RASAL2: variants seen among roughly 807,000 people sequenced by gnomAD.
RASAL2 encodes the protein RAS protein activator like 2.
In RASAL2, 58 loss-of-function variants were observed where a neutral mutation model predicts 128.9. The ratio of observed to expected loss-of-function variants is 0.45; its 90% CI spans 0.36 to 0.56. The LOEUF is 0.56. Among genes scored for constraint, RASAL2 ranks in the 20% least tolerant of loss-of-function variants. The pLI is 0.00. For missense variants in RASAL2, 1,360 were observed against 1,601.6 expected (o/e 0.85, Z 2.57); for synonymous variants, 561 against 580.8 (o/e 0.97, Z 0.49).
chr1:178,199,031 T>TCCAG (rs1366212570), intron 1 of RASAL2, among the ~76,000 whole-genome samples: 1 of 152,202 alleles, frequency 6.6e-6, no homozygotes, highest in Non-Finnish European at 1.5e-5. Context: ...GGACACCTCC[T>TCCAG]CCAGCCAGGC....
chr1:178,297,042 G>GA (rs967498397), intron 2 of RASAL2, among the ~76,000 whole-genome samples: 9 of 146,726 alleles, frequency 6.1e-5, no homozygotes, highest in East Asian at 2.0e-4. Flanking sequence ...GGGCAGAGAA[G>GA]AAAAAAAAAC....
rs138569729 is a variant in RASAL2, at chr1:178,445,895, C to A, written c.1627+233C>A. 1.4e-4 allele frequency among the ~76,000 whole-genome samples: 21 copies of A among 152,258 alleles called. No individual in the cohort carries two copies. The East Asian group carries it at 3.7e-3, about 27-fold the overall frequency. On this transcript the variant is annotated intron_variant, in intron 9 of 17. Transcript: ENST00000367649. Reference sequence around the variant, plus strand: ...ATACACTGCTACCCCAGGTCCCCAGCTTCATGATTCCAGGATGCACAGTAA... The same window carrying A: ...ATACACTGCTACCCCAGGTCCCCAGATTCATGATTCCAGGATGCACAGTAA...
chr1:178,285,561 A>T (rs927305409), intron 2 of RASAL2, among the ~76,000 whole-genome samples: 9 of 152,170 alleles, frequency 5.9e-5, no homozygotes, highest in Admixed American at 1.3e-4. Flanking sequence ...AATATTCTTA[A>T]ATTTAATTTT....
intron 1 of RASAL2, among the ~76,000 whole-genome samples, chr1:178,266,584 A>C (rs1269068995): frequency 6.6e-6 from 1 of 152,196 alleles, no homozygotes. Context: ...TTTAAGTAGC[A>C]GAGAGTTTAA....
chr1:178,392,373 T>C (rs1023124185), intron 4 of RASAL2, among the ~76,000 whole-genome samples: 3 of 152,160 alleles, frequency 2.0e-5, no homozygotes, highest in East Asian at 1.9e-4. Flanking sequence ...GGATGACTGA[T>C]GCTTCCAGGG....
intron 3 of RASAL2, chr1:178,372,400 C>T (rs1435584974): frequency 1.1e-6 from 1 of 930,656 alleles, no homozygotes; most frequent in Middle Eastern, 5.4e-4. Flanking sequence ...ACCCCAAATT[C>T]TCTAAATCCA....
intron 3 of RASAL2, among the ~76,000 whole-genome samples, chr1:178,334,638 C>A (rs1259717998): frequency 6.6e-6 from 1 of 152,158 alleles, no homozygotes; most frequent in Non-Finnish European, 1.5e-5. Flanking sequence ...CCACTGCACC[C>A]GGCCACAACT....
At position 178,184,265 on chromosome 1, in the gene RASAL2, C is replaced by T. The variant is rs377641031; in HGVS notation, c.202+89571C>T. ...AGTTTATATCTTGTCTTTTGACTCT[C>T]TTACCAGTGTGTTTTGCAAAGAATT... On this transcript the variant is annotated intron_variant, in intron 1 of 17. Coordinates refer to ENST00000367649, the MANE Select transcript of RASAL2 (RefSeq NM_170692.4). Among the ~76,000 whole-genome samples the T allele has an allele frequency of 2.6e-5, 4 of 152,196 alleles. No homozygotes were observed. The East Asian group carries it at 7.7e-4, about 29-fold the overall frequency.
chr1:178,291,184 CAT>C (rs906254096), intron 2 of RASAL2, among the ~76,000 whole-genome samples: 1 of 152,064 alleles, frequency 6.6e-6, no homozygotes, highest in Non-Finnish European at 1.5e-5. Context: ...AGTCAAGAAA[CAT>C]ATGTCTCTTT....
chr1:178,223,464 T>C (rs1244095916), intron 1 of RASAL2, among the ~76,000 whole-genome samples: 1 of 152,046 alleles, frequency 6.6e-6, no homozygotes, highest in East Asian at 1.9e-4. Context: ...AAGAGCCCTG[T>C]GGTGGGAAGG....
chr1:178,452,312 C>A, intron 10 of RASAL2, 104 bp from the exon 11 acceptor site: 3 of 981,060 alleles, frequency 3.1e-6, no homozygotes, highest in Admixed American at 1.9e-5. Flanking sequence ...GTCCTCCTCA[C>A]AGCCTGACTC....
chr1:178,459,925 T>C (rs1159056832), intron 14 of RASAL2, among the ~76,000 whole-genome samples: 1 of 152,238 alleles, frequency 6.6e-6, no homozygotes, highest in Non-Finnish European at 1.5e-5. Context: ...ATATGTATTT[T>C]TTATATATAA....
intron 1 of RASAL2, among the ~76,000 whole-genome samples, chr1:178,222,551 GA>G (rs1663649150): frequency 6.6e-6 from 1 of 151,812 alleles, no homozygotes; most frequent in Non-Finnish European, 1.5e-5. Flanking sequence ...TCTCTCTCTG[GA>G]ATCCTCAATT....
At chr1:178,265,615 A>G (rs554179781) in intron 1 of RASAL2, among the ~76,000 whole-genome samples, 1 of 152,318 alleles carries the variant, frequency 6.6e-6, no homozygotes, top group East Asian at 1.9e-4. Flanking sequence ...GTCTTTTTCA[A>G]GTAAACTTTT....
intron 1 of RASAL2, among the ~76,000 whole-genome samples, chr1:178,109,117 C>T (rs1448089831): frequency 6.6e-6 from 1 of 152,192 alleles, no homozygotes; most frequent in Admixed American, 6.5e-5. Context: ...GCTTTATTTA[C>T]TCCAGGATTT....
intron 1 of RASAL2, among the ~76,000 whole-genome samples, chr1:178,179,359 A>G (rs1156608619): frequency 6.6e-6 from 1 of 152,196 alleles, no homozygotes; most frequent in Non-Finnish European, 1.5e-5. Context: ...TAATGCCAAC[A>G]TTCACACTTG....
intron 1 of RASAL2, chr1:178,121,065 A>G (rs1659700852): frequency 6.6e-6 from 1 of 152,178 alleles, no homozygotes; most frequent in African/African-American, 2.4e-5. Context: ...AAGTTTTCAT[A>G]CTACATTTTC....
intron 5 of RASAL2, among the ~76,000 whole-genome samples, chr1:178,431,232 G>A (rs1462822696): frequency 6.6e-6 from 1 of 152,058 alleles, no homozygotes; most frequent in Non-Finnish European, 1.5e-5. Flanking sequence ...TATACAAAGA[G>A]TGTTTACATA....
chr1:178,408,717 A>G (rs984645930), intron 4 of RASAL2, among the ~76,000 whole-genome samples: 5 of 151,662 alleles, frequency 3.3e-5, no homozygotes, highest in African/African-American at 1.2e-4. Flanking sequence ...AGGTATGTGT[A>G]GAAGTTACAT....
Sources: gnomAD v4.1 joint callset for allele counts (sites outside exome capture counted in the v4.1 genomes callset) on GRCh38, gnomAD v4.1.1 for gene constraint, MANE v1.5 for transcripts, NCBI Gene and HGNC (gene_info 2026-07-23, HGNC 2026-07-21) for gene names.